SFSWAP: variants seen among roughly 807,000 people sequenced by gnomAD.
The protein encoded by SFSWAP is splicing factor SWAP, also known as splicing factor, suppressor of white-apricot homolog.
In SFSWAP, 17 loss-of-function variants were observed where a neutral mutation model predicts 100.7. That is an observed-to-expected ratio of 0.17 (90% CI 0.12 to 0.25). The LOEUF (loss-of-function observed/expected upper bound fraction) is 0.25. Among genes scored for constraint, SFSWAP ranks in the 10% least tolerant of loss-of-function variants. The pLI is 1.00. For missense variants in SFSWAP, 1,005 were observed against 1,262.6 expected (o/e 0.80, Z 3.09); for synonymous variants, 504 against 510.1 (o/e 0.99, Z 0.16).
At chr12:131,756,842 T>C (rs984066342) in intron 11 of SFSWAP, 198 bp downstream of exon 11, 3 of 578,476 alleles carry the variant, frequency 5.2e-6, no homozygotes, top group Non-Finnish European at 9.2e-6. Flanking sequence ...GTAACGTGAG[T>C]GTGAGCAGCC....
chr12:131,727,145 G>A, intron 6 of SFSWAP, 93 bp downstream of exon 6: 6 of 733,182 alleles, frequency 8.2e-6, no homozygotes, highest in Non-Finnish European at 1.4e-5. Flanking sequence ...ATTCTTGTGT[G>A]TTACAGTTGT....
chr12:131,781,483 C>T (rs1323267463), intron 14 of SFSWAP, among the ~76,000 whole-genome samples: 2 of 151,830 alleles, frequency 1.3e-5, no homozygotes, highest in Non-Finnish European at 1.5e-5. Flanking sequence ...ATGATCCACC[C>T]GCCTCGGCCT....
intron 7 of SFSWAP, among the ~76,000 whole-genome samples, chr12:131,738,636 G>C (rs1301242472): frequency 6.6e-6 from 1 of 152,124 alleles, no homozygotes. Flanking sequence ...GGTTGTCATT[G>C]TAGATATTTT....
chr12:131,722,102 G>C (rs1041528584), intron 4 of SFSWAP, among the ~76,000 whole-genome samples: 2 of 152,234 alleles, frequency 1.3e-5, no homozygotes, highest in African/African-American at 4.8e-5. Flanking sequence ...GCTGCTTAAG[G>C]GGGCAGGACA....
intron 15 of SFSWAP, among the ~76,000 whole-genome samples, chr12:131,789,605 T>G (rs1029389711): frequency 1.3e-5 from 2 of 152,154 alleles, no homozygotes; most frequent in Admixed American, 1.3e-4. Context: ...GAGCTGACAT[T>G]TTGCCACATT....
At chr12:131,724,658 C>T (rs976847974) in intron 4 of SFSWAP, among the ~76,000 whole-genome samples, 1 of 152,184 alleles carries the variant, frequency 6.6e-6, no homozygotes, top group Non-Finnish European at 1.5e-5. Flanking sequence ...TAACAAGATC[C>T]ATTTGTGGGC....
chr12:131,759,126 A>T (rs930402634), intron 11 of SFSWAP, among the ~76,000 whole-genome samples: 1 of 152,218 alleles, frequency 6.6e-6, no homozygotes, highest in Non-Finnish European at 1.5e-5. Context: ...AGAAGTTAAC[A>T]CTAGAAAATA....
intron 10 of SFSWAP, 105 bp downstream of exon 10, chr12:131,755,584 T>C: frequency 1.3e-6 from 1 of 749,220 alleles, no homozygotes; most frequent in Non-Finnish European, 2.3e-6. Flanking sequence ...AAGGGCTGGG[T>C]GATTCTTCAC....
At chr12:131,731,875 G>A (rs568389786) in intron 7 of SFSWAP, among the ~76,000 whole-genome samples, 10 of 92,846 alleles carry the variant, frequency 1.1e-4, no homozygotes, top group Non-Finnish European at 2.2e-4. Context: ...TTTTCATGAT[G>A]TTTTTGAGTA....
chr12:131,726,945 G>A lies in SFSWAP; in HGVS notation c.838G>A (p.Gly280Arg). Residue 280 changes from glycine to arginine, a missense_variant, in exon 6 of 18, where the codon GGA becomes AGA. This residue lies in a region of SFSWAP where 54 missense variants were observed against 51.9 expected (regional missense o/e 1.04). Transcript: ENST00000261674. ...ENKSDEKKKS[G>R]VSSDNEDDDD... ...AAATGTGATTTTGATTTCAGAATCA[G>A]GAGTCAGCTCTGACAATGAAGATGA... 6.4e-7 allele frequency: 1 copy of A among 1,566,664 alleles called. No individual in the cohort carries two copies.
chr12:131,733,778 G>A lies in SFSWAP; in HGVS notation c.1081+5350G>A, dbSNP rs1310923170. Reference sequence around the variant, plus strand: ...GACAGGCAGGGGTGGGCCCCGAGGTGTGCAGAGTGTGTGTTCAGGCTTGTC... The same window carrying A: ...GACAGGCAGGGGTGGGCCCCGAGGTATGCAGAGTGTGTGTTCAGGCTTGTC... On this transcript the variant is annotated intron_variant, in intron 7 of 17. Coordinates refer to ENST00000261674, the MANE Select transcript of SFSWAP (RefSeq NM_004592.4). The surrounding 1 kb of genome is among the most constrained non-coding windows in gnomAD (Gnocchi z 5.1). 2.0e-5 allele frequency among the ~76,000 whole-genome samples: 3 copies of A among 152,086 alleles called. No individual in the cohort carries two copies. The East Asian group carries it at 5.8e-4, about 29-fold the overall frequency.
chr12:131,769,426 A>G (rs1163289715), intron 13 of SFSWAP, among the ~76,000 whole-genome samples: 2 of 152,198 alleles, frequency 1.3e-5, no homozygotes, highest in Non-Finnish European at 2.9e-5. Context: ...TGCTTTAACC[A>G]GTTACATTAC....
intron 5 of SFSWAP, among the ~76,000 whole-genome samples, chr12:131,726,175 T>TATAC (rs1555241045): frequency 2.6e-5 from 4 of 151,180 alleles, no homozygotes; most frequent in African/African-American, 7.3e-5. Context: ...TGTATATATA[T>TATAC]ACACACACAC....
At chr12:131,732,098 C>T (rs1284597908) in intron 7 of SFSWAP, among the ~76,000 whole-genome samples, 2 of 151,544 alleles carry the variant, frequency 1.3e-5, no homozygotes, top group Admixed American at 6.6e-5. Flanking sequence ...TTAGTAGAGA[C>T]GGGGTTTCAC....
At chr12:131,793,794 G>A (rs1156476680) in intron 15 of SFSWAP, among the ~76,000 whole-genome samples, 2 of 152,178 alleles carry the variant, frequency 1.3e-5, no homozygotes, top group Admixed American at 6.5e-5. Flanking sequence ...TTAAATAGCC[G>A]GTACACACAT....
chr12:131,798,078 T>C (rs1299942378), intron 16 of SFSWAP, among the ~76,000 whole-genome samples: 1 of 152,170 alleles, frequency 6.6e-6, no homozygotes, highest in African/African-American at 2.4e-5. Flanking sequence ...CCGTGGCTCA[T>C]ACCTGTAATC....
intron 14 of SFSWAP, chr12:131,786,023 A>G (rs1884865320): frequency 1.3e-5 from 2 of 154,966 alleles, no homozygotes; most frequent in Admixed American, 1.3e-4. Context: ...TCATGTTGGT[A>G]GAAACATCAA....
In SFSWAP at chr12:131,779,208, T is replaced by TGTGTGTGAAGAGGGTGGCGCGGGTGAGC. The variant is rs1884275950; in HGVS notation, c.2408+892_2408+893insTGGCGCGGGTGAGCGTGTGTGAAGAGGG. 9.4e-5 allele frequency among the ~76,000 whole-genome samples: 6 copies of TGTGTGTGAAGAGGGTGGCGCGGGTGAGC among 64,020 alleles called. No homozygotes were observed. The South Asian group carries it at 2.6e-3, about 27-fold the overall frequency. 42.0% of individuals were successfully genotyped at this position (64,020 alleles called of 152,430 possible). A position where few individuals can be genotyped will look rare whatever the true frequency, so the allele number is the denominator to read the frequency against. ...GTGTGAAGAGGGCAGCGCGGATGAG[T>TGTGTGTGAAGAGGGTGGCGCGGGTGAGC]GTGTGTGAAGAGGGCGGCGCGGGTG... On this transcript the variant is annotated intron_variant, in intron 14 of 17. Coordinates refer to ENST00000261674, the MANE Select transcript of SFSWAP (RefSeq NM_004592.4).
chr12:131,785,443 G>A (rs949318067), intron 14 of SFSWAP: 16 of 452,404 alleles, frequency 3.5e-5, no homozygotes, highest in African/African-American at 3.0e-4. Flanking sequence ...TTTTCAAATG[G>A]CAAAATCAAA....
Sources: gnomAD v4.1 joint callset for allele counts (sites outside exome capture counted in the v4.1 genomes callset) on GRCh38, gnomAD v4.1.1 for gene constraint, gnomAD v4.1.1 regional missense constraint, Gnocchi (gnomAD v3.1) non-coding constraint, MANE v1.5 for transcripts, NCBI Gene and HGNC (gene_info 2026-07-23, HGNC 2026-07-21) for gene names.